Variants in ZNF821 observed in about 807,000 individuals in gnomAD.
ZNF821 encodes zinc finger protein 821.
A neutral mutation model predicts 44.3 loss-of-function variants in ZNF821; 16 were observed. That is an observed-to-expected ratio of 0.36 (90% CI 0.24 to 0.55). The LOEUF (loss-of-function observed/expected upper bound fraction) is 0.55, where lower values mean the gene tolerates loss of function less well. Among genes scored for constraint, ZNF821 ranks in the 20% least tolerant of loss-of-function variants. ZNF821 has a pLI of 0.86. For synonymous variants in ZNF821, 204 were observed against 197.6 expected, an observed-to-expected ratio of 1.03 and a Z score of -0.27; for missense variants, 436 against 547.6, an observed-to-expected ratio of 0.80 and a Z score of 2.03.
exon 1 of ZNF821, chr16:71,895,023 C>A: frequency 1.9e-6 from 1 of 532,100 alleles, no homozygotes; most frequent in Non-Finnish European, 3.3e-6. Flanking sequence ...ACGCTTAGAG[C>A]CCGTAGAGGG....
chr16:71,894,752 T>C, intron 1 of ZNF821: 6 of 903,210 alleles, frequency 6.6e-6, no homozygotes, highest in Non-Finnish European at 1.0e-5. Context: ...TCCAGGCTGG[T>C]CTGCAACTCC....
In ZNF821 at chr16:71,860,191, GCCT is replaced by G. The variant is rs753558370; in HGVS notation, c.1063_1065del (p.Arg355del). The G allele has an allele frequency of 1.9e-6, 3 of 1,614,206 alleles. No homozygotes were observed. The highest frequency in any genetic ancestry group is 2.5e-6 in the Non-Finnish European group (3 of 1,180,046). ...CGCAACATCATGTCCATTTTCTCCA[GCCT>G]CCTCTTGAGCCGCTTGGCCTCTCGC... On this transcript the variant is annotated inframe_deletion, in exon 8 of 8. Coordinates refer to ENST00000425432, the MANE Select transcript of ZNF821 (RefSeq NM_001201552.2). The surrounding 1 kb of genome is among the most constrained non-coding windows in gnomAD (Gnocchi z 7.3).
chr16:71,894,635 C>T, intron 1 of ZNF821: 1 of 499,208 alleles, frequency 2.0e-6, no homozygotes. Context: ...AAGCGATCTT[C>T]CTGCCTCAGC....
intron 2 of ZNF821, among the ~76,000 whole-genome samples, chr16:71,882,958 T>TG (rs1418386704): frequency 6.6e-6 from 1 of 152,164 alleles, no homozygotes; most frequent in Non-Finnish European, 1.5e-5. Context: ...AATAGATAGC[T>TG]GCCTGAACAT....
chr16:71,872,226 A>G lies in ZNF821; in HGVS notation c.41-4189T>C, dbSNP rs113208933. Reference sequence around the variant, plus strand: ...GAGATGAAAGTTATTAGAAAGGTAAAGATTTTACAGTTCTCTCTTGGGTCC... The same window carrying G: ...GAGATGAAAGTTATTAGAAAGGTAAGGATTTTACAGTTCTCTCTTGGGTCC... On this transcript the variant is annotated intron_variant, in intron 3 of 7. Coordinates refer to ENST00000425432, the MANE Select transcript of ZNF821 (RefSeq NM_001201552.2). Among the ~76,000 whole-genome samples the G allele has an allele frequency of 5.9e-3, 905 of 152,280 alleles. 12 individuals carry two copies. Among genetic ancestry groups the G allele is most frequent in the African/African-American group, 0.021 (853 of 41,564 alleles).
upstream of ZNF821, among the ~76,000 whole-genome samples, chr16:71,889,693 A>G (rs1179517166): frequency 6.6e-6 from 1 of 152,066 alleles, no homozygotes; most frequent in Non-Finnish European, 1.5e-5. Flanking sequence ...AACAAAAAAC[A>G]AAACAACAAC....
At chr16:71,877,375 C>T (rs1422591321) in intron 3 of ZNF821, among the ~76,000 whole-genome samples, 2 of 152,132 alleles carry the variant, frequency 1.3e-5, no homozygotes, top group Admixed American at 1.3e-4. Flanking sequence ...ATCCTCCCAC[C>T]TCAGCCTTCT....
intron 5 of ZNF821, chr16:71,864,702 T>C: frequency 3.3e-6 from 2 of 604,502 alleles, no homozygotes; most frequent in Admixed American, 3.1e-5. Context: ...GGCGCAGCGA[T>C]TCGTGGATGG....
At position 71,860,273 on chromosome 16, in the gene ZNF821, C is replaced by T; in HGVS notation, c.984G>A (p.Arg328=). 1 of 1,613,954 alleles carries T rather than the reference C, an allele frequency of 6.2e-7. No homozygotes were observed. Among genetic ancestry groups the T allele is most frequent in the African/African-American group, 1.3e-5 (1 of 75,072 alleles). The change falls in exon 8 of 8, where the codon AGG becomes AGA. Residue 328 remains arginine, a synonymous_variant. Coordinates refer to ENST00000425432, the MANE Select transcript of ZNF821 (RefSeq NM_001201552.2). This position sits in a 1 kb window ranked among gnomAD's most constrained non-coding sequence, Gnocchi z 7.3. ...CCGGGGTTTCATTGGCCCGCTTCAG[C>T]CTCATGGCCTCCCGATCCCGCTGCA... ...RRLQRDREAM[R]LKRANETPEK...
rs765940831 is a variant in ZNF821, at chr16:71,879,937, G to A, written c.10C>T (p.Arg4Trp). 3.1e-6 allele frequency: 5 copies of A among 1,613,344 alleles called. No homozygotes were observed. The highest frequency in any genetic ancestry group is 1.7e-5 in the Admixed American group (1 of 59,888). ...ACTTTATTTGGATTTGTCTGTTTCC[G>A]ACGGGACATGTTTCCCTGATGCAAG... MSR[R>W]KQTNPNKVHW... Residue 4 changes from arginine (R) to tryptophan (W), a missense_variant, in exon 3 of 8, where the codon CGG becomes TGG. Coordinates refer to ENST00000425432, the MANE Select transcript of ZNF821 (RefSeq NM_001201552.2).
rs184565393 is a variant in ZNF821, at chr16:71,891,975, G to A, written n.448+2914C>T. ...TGAGCCACTGCACTCCACCCTGGGC[G>A]ACAGAGAGAGACTCCGTCTCAAAAA... is the stretch of plus-strand genomic sequence containing the variant. On this transcript the variant is annotated intron_variant and non_coding_transcript_variant, in intron 1 of 2. Coordinates refer to the ZNF821 transcript ENST00000561700. Among the ~76,000 whole-genome samples, 954 of 112,174 alleles carry A rather than the reference G, an allele frequency of 8.5e-3. 3 individuals are homozygous for A. The highest frequency in any genetic ancestry group is 0.012 in the Non-Finnish European group (680 of 58,588). The allele number at this position is 112,174 out of a possible 152,430, so 73.6% of individuals were successfully genotyped here.
At chr16:71,863,328 C>T (rs536723530) in intron 6 of ZNF821, among the ~76,000 whole-genome samples, 11 of 151,530 alleles carry the variant, frequency 7.3e-5, no homozygotes, top group South Asian at 6.2e-4. Flanking sequence ...TGTGTCTGCC[C>T]GGAAACCCAG....
At chr16:71,894,742 T>C in intron 1 of ZNF821, 1 of 791,544 alleles carries the variant, frequency 1.3e-6, no homozygotes, top group Non-Finnish European at 2.1e-6. Flanking sequence ...CACTATGGTG[T>C]CCAGGCTGGT....
intron 7 of ZNF821, among the ~76,000 whole-genome samples, chr16:71,861,169 C>T (rs1266135376): frequency 6.6e-6 from 1 of 152,170 alleles, no homozygotes. Flanking sequence ...TCTACCAACT[C>T]TAAAAGCCCA....
rs1040238243 is a variant in ZNF821, at chr16:71,884,046, A to C, written c.-279T>G. On this transcript the variant is annotated 5_prime_UTR_variant, in exon 1 of 8. Transcript: ENST00000425432. The stretch of plus-strand genomic sequence containing the variant: ...CCGGGACTGGGCCCCGGCGAGCGGA[A>C]GGGGCTCCGGGCCGAGCCGAGCCGG... 4 of 151,984 alleles carry C rather than the reference A, an allele frequency of 2.6e-5. No individual in the cohort carries two copies. Among genetic ancestry groups the C allele is most frequent in the African/African-American group, 9.7e-5 (4 of 41,360 alleles). 9.4% of individuals were successfully genotyped at this position (151,984 alleles called of 1,614,324 possible). A position where few individuals can be genotyped will look rare whatever the true frequency, so the allele number is the denominator to read the frequency against.
intron 1 of ZNF821, chr16:71,894,864 C>G (rs1217994331): frequency 6.5e-6 from 10 of 1,529,588 alleles, no homozygotes; most frequent in Non-Finnish European, 8.8e-6. Context: ...CAAAGGTAAC[C>G]AAGGAAAAAG....
At position 71,884,180 on chromosome 16, in the gene ZNF821, C is replaced by G. The variant is rs2036731610; in HGVS notation, c.-413G>C. On this transcript the variant is annotated 5_prime_UTR_variant, in exon 1 of 8. Transcript: ENST00000425432. ...GGGCGGCGGGAGCGCGCGGCTCGCG[C>G]ACCCGCAGCTAGTGAGGCGCGTGCA... 1 of 152,060 alleles carries G rather than the reference C, an allele frequency of 6.6e-6. No homozygotes were observed. Among genetic ancestry groups the G allele is most frequent in the Non-Finnish European group, 1.5e-5 (1 of 68,042 alleles). 9.4% of individuals were successfully genotyped at this position (152,060 alleles called of 1,614,324 possible).
At chr16:71,863,605 T>C (rs2034183528) in intron 6 of ZNF821, among the ~76,000 whole-genome samples, 2 of 152,020 alleles carry the variant, frequency 1.3e-5, no homozygotes, top group African/African-American at 4.8e-5. Context: ...CCTAGGCTGG[T>C]CTTGAACTCC....
At chr16:71,886,941 G>A (rs1003670538), upstream of ZNF821, among the ~76,000 whole-genome samples, 2 of 152,302 alleles carry the variant, frequency 1.3e-5, no homozygotes, top group Admixed American at 1.3e-4. Flanking sequence ...CTCGTGTCTG[G>A]CTTTTGTCAC....
Sources: gnomAD v4.1 joint callset for allele counts (sites outside exome capture counted in the v4.1 genomes callset) on GRCh38, gnomAD v4.1.1 for gene constraint, Gnocchi (gnomAD v3.1) non-coding constraint, MANE v1.5 for transcripts, NCBI Gene and HGNC (gene_info 2026-07-23, HGNC 2026-07-21) for gene names.